Variants in NOMO2 observed in about 807,000 individuals in gnomAD.
NOMO2 encodes the protein BOS complex subunit NOMO2.
A neutral mutation model predicts 67.1 loss-of-function variants in NOMO2; 14 were observed. That is an observed-to-expected ratio of 0.21 (90% CI 0.14 to 0.33). NOMO2 has a LOEUF of 0.33. NOMO2 is among the 10% of genes least tolerant of loss of function. The pLI is 1.00. For synonymous variants in NOMO2, 80 were observed against 305.9 expected, an observed-to-expected ratio of 0.26 and a Z score of 7.71; for missense variants, 178 against 761.0, an observed-to-expected ratio of 0.23 and a Z score of 9.01.
rs1413593744 is a variant in NOMO2 at position 18,557,674 on chromosome 16, T to A, written c.255+28A>T. The A allele has an allele frequency of 3.7e-6, 6 of 1,611,694 alleles. No homozygotes were observed. In the South Asian group the frequency reaches 4.4e-5, roughly 12 times the overall value. The stretch of plus-strand genomic sequence containing the variant: ...GGTGAGGCACACTAGTGACTTCCCA[T>A]CATAAGTGACAAGCAGTCCCCTCTT... On this transcript the variant is annotated intron_variant, in intron 2 of 30. Transcript: ENST00000622306.
intron 2 of NOMO2, among the ~76,000 whole-genome samples, chr16:18,555,905 A>C (rs1901894298): frequency 1.2e-5 from 1 of 83,070 alleles, no homozygotes; most frequent in Non-Finnish European, 2.5e-5. Context: ...TACCACGTCC[A>C]GCCTCCTGGT....
chr16:18,558,459 A>G (rs2141761196), intron 1 of NOMO2, among the ~76,000 whole-genome samples: 1 of 143,284 alleles, frequency 7.0e-6, no homozygotes. Context: ...AATAAAGTAA[A>G]ATAAATTGCA....
intron 1 of NOMO2, among the ~76,000 whole-genome samples, chr16:18,560,388 TC>T (rs1469501598): frequency 6.6e-6 from 1 of 151,130 alleles, no homozygotes; most frequent in Non-Finnish European, 1.5e-5. Context: ...TTTCCTTCCT[TC>T]CAGAACCCCT....
chr16:18,535,344 G>T (rs1337566267), intron 11 of NOMO2, among the ~76,000 whole-genome samples: 1 of 151,926 alleles, frequency 6.6e-6, no homozygotes, highest in Non-Finnish European at 1.5e-5. Flanking sequence ...AAAAGAAATA[G>T]TAAGAAGTAT....
intron 16 of NOMO2, among the ~76,000 whole-genome samples, chr16:18,525,244 T>A (rs1901119268): frequency 6.6e-6 from 1 of 150,872 alleles, no homozygotes; most frequent in Admixed American, 6.6e-5. Context: ...AAAATCAGGT[T>A]TCTCTGTTTG....
At chr16:18,531,915 C>T (rs1444858611) in intron 12 of NOMO2, among the ~76,000 whole-genome samples, 2 of 151,802 alleles carry the variant, frequency 1.3e-5, no homozygotes, top group Non-Finnish European at 2.9e-5. Context: ...CATACTACAT[C>T]CCAGTCACTT....
At chr16:18,529,006 T>C (rs193091790) in intron 15 of NOMO2, among the ~76,000 whole-genome samples, 8 of 7,334 alleles carry the variant, frequency 1.1e-3, no homozygotes, top group Admixed American at 2.0e-3. Flanking sequence ...TATATATATA[T>C]ATATATATAT....
At chr16:18,539,355 T>TGCCCC (rs1185938966) in intron 9 of NOMO2, among the ~76,000 whole-genome samples, 1 of 151,908 alleles carries the variant, frequency 6.6e-6, no homozygotes, top group Non-Finnish European at 1.5e-5. Flanking sequence ...TCACTTTGGA[T>TGCCCC]GCCCCGCCCC....
At chr16:18,531,981 A>G (rs920130494) in intron 12 of NOMO2, among the ~76,000 whole-genome samples, 1 of 150,324 alleles carries the variant, frequency 6.7e-6, no homozygotes, top group Admixed American at 6.6e-5. Flanking sequence ...CACTATGTGG[A>G]TGACACTTTG....
intron 11 of NOMO2, among the ~76,000 whole-genome samples, chr16:18,536,326 G>A (rs1213899630): frequency 1.3e-5 from 2 of 152,222 alleles, no homozygotes; most frequent in African/African-American, 4.8e-5. Context: ...CTGCAACCCA[G>A]AGAGCCTTGC....
intron 17 of NOMO2, among the ~76,000 whole-genome samples, chr16:18,524,170 T>C (rs1302801984): frequency 0.028 from 2,298 of 82,114 alleles, 16 homozygotes; most frequent in African/African-American, 0.092. Flanking sequence ...TCTGTAAAAA[T>C]ACAAAAATGG....
At position 18,545,510 on chromosome 16, in the gene NOMO2, T is replaced by C. The variant is rs577420531; in HGVS notation, c.582+1718A>G. 4.6e-5 allele frequency among the ~76,000 whole-genome samples: 7 copies of C among 150,894 alleles called. No individual in the cohort carries two copies. The South Asian group carries it at 1.5e-3, about 32-fold the overall frequency. ...GAAACTATCATCAATTATAAGTGCGTAAAACCTACAGAGTAAAAATAATAA... is the reference window on the plus strand; with the variant it reads ...GAAACTATCATCAATTATAAGTGCGCAAAACCTACAGAGTAAAAATAATAA... On this transcript the variant is annotated intron_variant, in intron 6 of 30. Coordinates refer to ENST00000622306, the MANE Select transcript of NOMO2 (RefSeq NM_173614.4).
intron 9 of NOMO2, among the ~76,000 whole-genome samples, chr16:18,540,691 A>T (rs1201523491): frequency 2.0e-5 from 3 of 150,030 alleles, no homozygotes; most frequent in African/African-American, 7.4e-5. Context: ...AGTTTAAGCG[A>T]TTTTAACACA....
chr16:18,560,209 T>C (rs1202400859), intron 1 of NOMO2, among the ~76,000 whole-genome samples: 1 of 151,928 alleles, frequency 6.6e-6, no homozygotes, highest in African/African-American at 2.4e-5. Context: ...CAGTATGAAA[T>C]GTCTGATTTC....
intron 7 of NOMO2, among the ~76,000 whole-genome samples, chr16:18,543,248 G>A (rs1901588653): frequency 7.0e-6 from 1 of 142,312 alleles, no homozygotes; most frequent in Non-Finnish European, 1.5e-5. Context: ...GCGTGATCTT[G>A]GCTCACTGCA....
Position 18,533,138 on chromosome 16 carries a change from T to G in NOMO2, c.1262A>C (p.Asp421Ala). The change falls in exon 12 of 31, where the codon GAC becomes GCC. Residue 421 changes from aspartate to alanine, a missense_variant. Coordinates refer to ENST00000622306, the MANE Select transcript of NOMO2 (RefSeq NM_173614.4). Reference protein sequence around the residue: ...CGRISIIRFPDTVKQMNKYKV... With the variant: ...CGRISIIRFPATVKQMNKYKV... ...GTATTTATTCATCTGCTTGACGGTG[T>G]CCGGGAAGCGAATGATTGATATCCG... The G allele has an allele frequency of 6.2e-7, 1 of 1,611,430 alleles. No homozygotes were observed.
In NOMO2 at chr16:18,537,139, G is replaced by T. The variant is rs1438277233; in HGVS notation, c.1220+1387C>A. Among the ~76,000 whole-genome samples, 3 of 151,990 alleles carry T rather than the reference G, an allele frequency of 2.0e-5. 1 individual carries two copies. The highest frequency in any genetic ancestry group is 4.4e-5 in the Non-Finnish European group (3 of 67,988). On this transcript the variant is annotated intron_variant, in intron 11 of 30. Transcript: ENST00000622306. Reference sequence around the variant, plus strand: ...CTGCCACCTGCGGCCAAATCTTCAGGATTTACCATCCATCCAAGTACCTAT... The same window carrying T: ...CTGCCACCTGCGGCCAAATCTTCAGTATTTACCATCCATCCAAGTACCTAT...
In NOMO2 at chr16:18,529,520, A is replaced by G; in HGVS notation, c.1787T>C (p.Leu596Pro). 1 of 1,611,052 alleles carries G rather than the reference A, an allele frequency of 6.2e-7. No homozygotes were observed. The change falls in exon 15 of 31, where the codon CTG becomes CCG. Residue 596 changes from leucine (L) to proline (P), a missense_variant. By Grantham distance (98) the Leu-to-Pro change is moderately conservative (BLOSUM62 -3). Coordinates refer to ENST00000622306, the MANE Select transcript of NOMO2 (RefSeq NM_173614.4). ...ACATACCAGAGTGATGGCGTGAGAC[A>G]GGGAACATCTCAGCATGTAGCCCGT... The part of the protein sequence containing the change: ...RQTGYMLRCS[L>P]SHAITLEFYQ...
At chr16:18,535,609 C>G (rs996146349) in intron 11 of NOMO2, among the ~76,000 whole-genome samples, 3 of 152,068 alleles carry the variant, frequency 2.0e-5, no homozygotes, top group African/African-American at 7.2e-5. Context: ...ATCTACTCCT[C>G]CCTCCCTCGC....
Sources: allele counts gnomAD v4.1 joint callset (sites outside exome capture counted in the v4.1 genomes callset), GRCh38; gene constraint gnomAD v4.1.1; transcripts MANE v1.5; gene names NCBI Gene and HGNC (gene_info 2026-07-23, HGNC 2026-07-21).